The following LRP2BP variants were observed in gnomAD, a reference collection of about 807,000 sequenced individuals.
LRP2BP encodes LRP2-binding protein.
Under a neutral mutation model 45.2 loss-of-function variants are expected in LRP2BP, and 38 were observed. The ratio of observed to expected loss-of-function variants is 0.84; its 90% CI spans 0.65 to 1.10. LRP2BP has a LOEUF of 1.10. Among genes scored for constraint, LRP2BP ranks in the 50% least tolerant of loss-of-function variants. LRP2BP has a pLI of 0.00. For synonymous variants in LRP2BP, 153 were observed against 153.9 expected, an observed-to-expected ratio of 0.99 and a Z score of 0.04; for missense variants, 385 against 418.9, an observed-to-expected ratio of 0.92 and a Z score of 0.71.
At chr4:185,397,248 C>CTTT (rs1438407657), upstream of LRP2BP, 2 of 1,614,030 alleles carry the variant, frequency 1.2e-6, no homozygotes, top group African/African-American at 2.7e-5. Context: ...CAGGAAGCGG[C>CTTT]CTTGCTTGCT....
At chr4:185,396,657 C>T (rs2095504031), upstream of LRP2BP, 2 of 509,502 alleles carry the variant, frequency 3.9e-6, no homozygotes, top group Non-Finnish European at 6.9e-6. Context: ...CGCCCCCTCC[C>T]CCTGCCCCCG....
chr4:185,366,953 G>A lies in LRP2BP; in HGVS notation c.*227C>T. 1 of 457,346 alleles carries A rather than the reference G, an allele frequency of 2.2e-6. No homozygotes were observed. The highest frequency in any genetic ancestry group is 3.9e-6 in the Non-Finnish European group (1 of 255,266). 28.3% of individuals were successfully genotyped at this position (457,346 alleles called of 1,614,324 possible). On this transcript the variant is annotated 3_prime_UTR_variant, in exon 9 of 9. Transcript: ENST00000505916. Reference sequence around the variant, plus strand: ...GATATGGTCTCGGCCAGTCTGTAGGGTAAGAGGTGGACCTCTGAGGACTCT... The same window carrying A: ...GATATGGTCTCGGCCAGTCTGTAGGATAAGAGGTGGACCTCTGAGGACTCT...
chr4:185,396,519 C>G (rs554852227), upstream of LRP2BP: 96 of 202,660 alleles, frequency 4.7e-4, 1 homozygote, highest in African/African-American at 2.1e-3. Flanking sequence ...TACTCCAGTC[C>G]TCTCACGCCC....
At chr4:185,378,588 G>GT (rs2095446049) in intron 1 of LRP2BP, 1 of 999,176 alleles carries the variant, frequency 1.0e-6, no homozygotes, top group African/African-American at 1.7e-5. Context: ...CTCTGCCCTT[G>GT]TAACTGACAC....
At chr4:185,388,056 C>T (rs550659832) in intron 1 of LRP2BP, among the ~76,000 whole-genome samples, 40 of 152,276 alleles carry the variant, frequency 2.6e-4, no homozygotes, top group African/African-American at 9.4e-4. Context: ...TGTAGACTGC[C>T]CCTTAAGTTC....
chr4:185,379,213 T>A (rs1021140350), intron 1 of LRP2BP, among the ~76,000 whole-genome samples: 1 of 152,248 alleles, frequency 6.6e-6, no homozygotes, highest in Non-Finnish European at 1.5e-5. Flanking sequence ...CTTGATTATA[T>A]GATTCCCCAA....
intron 1 of LRP2BP, chr4:185,378,695 A>T: frequency 1.0e-6 from 1 of 986,612 alleles, no homozygotes; most frequent in Non-Finnish European, 1.2e-6. Flanking sequence ...TCCTGTCTGT[A>T]TTGGATTGCC....
chr4:185,363,886 T>C lies in LRP2BP; in HGVS notation c.*3294A>G, dbSNP rs1006181454. The C allele has an allele frequency of 6.5e-6, 1 of 154,254 alleles. No homozygotes were observed. 9.6% of individuals were successfully genotyped at this position (154,254 alleles called of 1,614,324 possible). A position where few individuals can be genotyped will look rare whatever the true frequency, so the allele number is the denominator to read the frequency against. On this transcript the variant is annotated 3_prime_UTR_variant, in exon 9 of 9. Transcript: ENST00000505916. The surrounding 1 kb of genome is among the most constrained non-coding windows in gnomAD (Gnocchi z 4.2). ...TTATGCAATGCTTTGTGTAAAGTTA[T>C]TGTGAAGATTTTATTGTCTTTATTT...
chr4:185,378,941 A>C, intron 1 of LRP2BP: 3 of 985,418 alleles, frequency 3.0e-6, no homozygotes, highest in Non-Finnish European at 3.6e-6. Flanking sequence ...TCAAGAGAAG[A>C]AATAGAGAGA....
chr4:185,394,552 G>C (rs561038277), intron 1 of LRP2BP, among the ~76,000 whole-genome samples: 6 of 152,310 alleles, frequency 3.9e-5, no homozygotes, highest in African/African-American at 1.4e-4. Flanking sequence ...TAATAAACTG[G>C]AATAGACGTT....
chr4:185,384,129 G>A (rs1437004039), intron 1 of LRP2BP, among the ~76,000 whole-genome samples: 1 of 152,142 alleles, frequency 6.6e-6, no homozygotes, highest in East Asian at 1.9e-4. Context: ...GAGCCCTGGG[G>A]AGTGACGGGA....
Position 185,395,493 on chromosome 4 carries a change from A to C in LRP2BP, c.-736T>G, listed in dbSNP as rs188945735. On this transcript the variant is annotated 5_prime_UTR_variant, in exon 1 of 9. The change creates a new upstream start codon in the 5' untranslated region. Coordinates refer to ENST00000505916, the MANE Select transcript of LRP2BP (RefSeq NM_001377440.1). ...AATATCAACGTGTGCTCACCTCACA[A>C]ATCTGACAACAGTATCTCTACACTG... The C allele has an allele frequency of 1.4e-3, 1,378 of 985,308 alleles. 1 individual carries two copies. Among genetic ancestry groups the C allele is most frequent in the Admixed American group, 3.0e-3 (49 of 16,288 alleles). The allele number at this position is 985,308 out of a possible 1,614,324, so 61.0% of individuals were successfully genotyped here.
intron 6 of LRP2BP, 25 bp downstream of exon 6, chr4:185,374,110 A>G: frequency 6.4e-7 from 1 of 1,558,248 alleles, no homozygotes; most frequent in Non-Finnish European, 8.8e-7. Context: ...ATATAACACT[A>G]GCATTAAAAA....
intron 8 of LRP2BP, among the ~76,000 whole-genome samples, chr4:185,369,108 T>C (rs934168300): frequency 2.0e-5 from 3 of 152,056 alleles, no homozygotes; most frequent in Admixed American, 2.0e-4. Context: ...TTTGTTGTTC[T>C]AGTCAGGATG....
intron 1 of LRP2BP, 66 bp from the exon 2 acceptor site, chr4:185,378,273 C>T (rs569951061): frequency 1.3e-6 from 2 of 1,564,520 alleles, no homozygotes; most frequent in Non-Finnish European, 1.7e-6. Context: ...AAGAGAGACT[C>T]TATTCCCACC....
intron 8 of LRP2BP, among the ~76,000 whole-genome samples, chr4:185,368,863 G>A (rs964425973): frequency 2.7e-5 from 4 of 148,544 alleles, no homozygotes; most frequent in African/African-American, 5.0e-5. Context: ...GCACAGCCTC[G>A]GCTCACTGCA....
upstream of LRP2BP, chr4:185,396,277 T>C (rs2095502386): frequency 6.6e-6 from 1 of 152,250 alleles, no homozygotes; most frequent in South Asian, 2.1e-4. Context: ...GTAAAGGAAC[T>C]TGCGTTCCCC....
chr4:185,369,746 A>G (rs2095408551), intron 8 of LRP2BP: 1 of 446,484 alleles, frequency 2.2e-6, no homozygotes, highest in African/African-American at 2.0e-5. Context: ...TTGGAATCCC[A>G]CAGGGAACTT....
intron 3 of LRP2BP, 42 bp from the exon 4 acceptor site, chr4:185,375,768 C>G: frequency 7.3e-7 from 1 of 1,366,382 alleles, no homozygotes. Context: ...TTATTATGAT[C>G]TTAAAGTAAT....
Sources: gnomAD v4.1 joint callset for allele counts (sites outside exome capture counted in the v4.1 genomes callset) on GRCh38, gnomAD v4.1.1 for gene constraint, Gnocchi (gnomAD v3.1) non-coding constraint, MANE v1.5 for transcripts, NCBI Gene and HGNC (gene_info 2026-07-23, HGNC 2026-07-21) for gene names.